Variants in SDCCAG8 observed in about 807,000 individuals in gnomAD.
SDCCAG8 encodes serologically defined colon cancer antigen 8.
Under a neutral mutation model 101.8 loss-of-function variants are expected in SDCCAG8, and 74 were observed. The observed-to-expected ratio is 0.73, with a 90% CI of 0.60 to 0.88. SDCCAG8 has a LOEUF of 0.88. Among genes scored for constraint, SDCCAG8 ranks in the 40% least tolerant of loss-of-function variants. The pLI, the probability that SDCCAG8 is intolerant of heterozygous loss-of-function variation, is 0.00. For synonymous variants in SDCCAG8, 281 were observed against 292.9 expected (o/e 0.96, Z 0.41); for missense variants, 787 against 822.6 (o/e 0.96, Z 0.53).
intron 8 of SDCCAG8, among the ~76,000 whole-genome samples, chr1:243,315,862 C>G (rs2073187943): frequency 1.3e-5 from 2 of 152,298 alleles, no homozygotes; most frequent in Middle Eastern, 3.4e-3. Flanking sequence ...CAGGGAACAC[C>G]ATATGTAACA....
chr1:243,435,549 GTTGT>G (rs1358054736), intron 16 of SDCCAG8, among the ~76,000 whole-genome samples: 1 of 152,136 alleles, frequency 6.6e-6, no homozygotes, highest in Non-Finnish European at 1.5e-5. Context: ...ATTCTAAATG[GTTGT>G]TTATTTATAT....
chr1:243,343,946 G>A (rs955056274), intron 11 of SDCCAG8, among the ~76,000 whole-genome samples: 1 of 152,180 alleles, frequency 6.6e-6, no homozygotes, highest in African/African-American at 2.4e-5. Context: ...AATTGAAACT[G>A]TTATATAAAA....
chr1:243,388,204 T>C (rs2078440287), intron 13 of SDCCAG8, among the ~76,000 whole-genome samples: 4 of 152,220 alleles, frequency 2.6e-5, no homozygotes, highest in Non-Finnish European at 5.9e-5. Context: ...ATTCTAACTT[T>C]CCAGAACAGG....
At chr1:243,281,086 G>A (rs564203655) in intron 4 of SDCCAG8, among the ~76,000 whole-genome samples, 7 of 152,126 alleles carry the variant, frequency 4.6e-5, no homozygotes, top group Admixed American at 2.0e-4. Context: ...GACTTGTAAC[G>A]TCTTCTTGGT....
At chr1:243,338,144 A>ACTC (rs2075139317) in intron 10 of SDCCAG8, among the ~76,000 whole-genome samples, 1 of 151,410 alleles carries the variant, frequency 6.6e-6, no homozygotes, top group Non-Finnish European at 1.5e-5. Context: ...CTGGTCTTGA[A>ACTC]CTCCTGGCAG....
intron 6 of SDCCAG8, among the ~76,000 whole-genome samples, chr1:243,302,724 G>A (rs2071649584): frequency 6.6e-6 from 1 of 152,160 alleles, no homozygotes; most frequent in Non-Finnish European, 1.5e-5. Flanking sequence ...CATCAAAGTG[G>A]TCTCCTTGCC....
intron 8 of SDCCAG8, among the ~76,000 whole-genome samples, chr1:243,316,533 G>A (rs1477039392): frequency 3.3e-5 from 5 of 152,180 alleles, no homozygotes; most frequent in Admixed American, 2.0e-4. Context: ...GTCCCGCACA[G>A]ATGCCGTCCT....
chr1:243,354,640 C>T (rs960829024), intron 12 of SDCCAG8, among the ~76,000 whole-genome samples: 2 of 152,186 alleles, frequency 1.3e-5, no homozygotes, highest in African/African-American at 4.8e-5. Context: ...GGTGTGTGAA[C>T]TTATGATGAT....
chr1:243,409,758 T>C (rs574850765), intron 13 of SDCCAG8, among the ~76,000 whole-genome samples: 41 of 152,082 alleles, frequency 2.7e-4, no homozygotes, highest in Non-Finnish European at 4.0e-4. Flanking sequence ...GAATAAGATA[T>C]GAATCCATGA....
At position 243,415,550 on chromosome 1, in the gene SDCCAG8, C is replaced by T. The variant is rs148241472; in HGVS notation, c.1617-152C>T. ...TGTATGGAAGGTTGTTTGGATCTTC[C>T]CCCTAAAGTGGGGGAGGGTCATTAG... On this transcript the variant is annotated intron_variant, in intron 13 of 17. Coordinates refer to ENST00000366541, the MANE Select transcript of SDCCAG8 (RefSeq NM_006642.5). The T allele has an allele frequency of 1.6e-3, 1,553 of 988,618 alleles. 5 individuals carry two copies. The highest frequency in any genetic ancestry group is 1.3e-3 in the Non-Finnish European group (808 of 631,578). The allele number at this position is 988,618 out of a possible 1,614,324, so 61.2% of individuals were successfully genotyped here.
chr1:243,498,222 G>A (rs1574470613), intron 17 of SDCCAG8, among the ~76,000 whole-genome samples: 1 of 150,230 alleles, frequency 6.7e-6, no homozygotes, highest in Non-Finnish European at 1.5e-5. Context: ...CAAACCCTGC[G>A]TTTGACAATC....
chr1:243,443,723 T>G (rs2082697964), intron 16 of SDCCAG8, among the ~76,000 whole-genome samples: 1 of 152,204 alleles, frequency 6.6e-6, no homozygotes, highest in Non-Finnish European at 1.5e-5. Flanking sequence ...AGAATAAATT[T>G]GGCTTCCGCT....
At chr1:243,410,428 T>C (rs926350170) in intron 13 of SDCCAG8, among the ~76,000 whole-genome samples, 2 of 152,176 alleles carry the variant, frequency 1.3e-5, no homozygotes, top group Non-Finnish European at 2.9e-5. Context: ...CCAGTAAGCA[T>C]GTTATAAATT....
chr1:243,293,667 C>T (rs1415088814), intron 6 of SDCCAG8, among the ~76,000 whole-genome samples: 1 of 152,140 alleles, frequency 6.6e-6, no homozygotes, highest in Non-Finnish European at 1.5e-5. Context: ...TGTTACCAAA[C>T]TTTATCCATT....
At chr1:243,281,526 C>G (rs936337837) in intron 4 of SDCCAG8, among the ~76,000 whole-genome samples, 1 of 151,480 alleles carries the variant, frequency 6.6e-6, no homozygotes, top group Non-Finnish European at 1.5e-5. Context: ...ATATTCAGAC[C>G]ATTATATTTA....
rs1662116242 is a variant in SDCCAG8 at position 243,475,043 on chromosome 1, G to A, written c.1986-13971G>A. Among the ~76,000 whole-genome samples the A allele has an allele frequency of 1.3e-5, 2 of 152,140 alleles. 1 individual carries two copies. The highest frequency in any genetic ancestry group is 1.3e-4 in the Admixed American group (2 of 15,276). ...CTGCCAATGCACCTCTGTAAAAGGT[G>A]GCATTCAGCCTGGGAGGAGAGGAGC... On this transcript the variant is annotated intron_variant, in intron 16 of 17. Transcript: ENST00000366541.
At chr1:243,331,393 A>G (rs572345724) in intron 10 of SDCCAG8, among the ~76,000 whole-genome samples, 1 of 152,358 alleles carries the variant, frequency 6.6e-6, no homozygotes, top group African/African-American at 2.4e-5. Context: ...GTGGACTCAC[A>G]GCTTGTACTC....
chr1:243,282,005 A>G lies in SDCCAG8; in HGVS notation c.421-4267A>G, dbSNP rs941367434. Among the ~76,000 whole-genome samples the G allele has an allele frequency of 8.6e-5, 13 of 151,848 alleles. No homozygotes were observed. The East Asian group carries it at 2.5e-3, about 29-fold the overall frequency. On this transcript the variant is annotated intron_variant, in intron 4 of 17. Transcript: ENST00000366541. ...TGCATTTTATTTTTTATTTTTGGAG[A>G]CAGAGTCTCTCTCAGTCGCCCAGGC...
intron 4 of SDCCAG8, among the ~76,000 whole-genome samples, chr1:243,276,677 C>T (rs190492393): frequency 9.9e-5 from 15 of 152,246 alleles, no homozygotes; most frequent in Middle Eastern, 3.4e-3. Flanking sequence ...TTTGCATTAG[C>T]TTTGTGTTAT....
Sources: gnomAD v4.1 joint callset for allele counts (sites outside exome capture counted in the v4.1 genomes callset) on GRCh38, gnomAD v4.1.1 for gene constraint, MANE v1.5 for transcripts, NCBI Gene and HGNC (gene_info 2026-07-23, HGNC 2026-07-21) for gene names.